Variants in KDM4B observed in about 807,000 individuals in gnomAD.
KDM4B encodes the protein lysine-specific demethylase 4B.
KDM4B carries 32 observed loss-of-function variants against 125.2 expected under a neutral mutation model. The ratio of observed to expected loss-of-function variants is 0.26; its 90% CI spans 0.19 to 0.34. KDM4B has a LOEUF of 0.34. Among genes scored for constraint, KDM4B ranks in the 10% least tolerant of loss-of-function variants. KDM4B has a pLI of 1.00. For synonymous variants in KDM4B, 721 were observed against 677.9 expected (o/e 1.06, Z -0.99); for missense variants, 1,190 against 1,577.7 (o/e 0.75, Z 4.16).
intron 17 of KDM4B, 128 bp downstream of exon 17, chr19:5,137,804 A>G (rs1213086797): frequency 1.9e-6 from 2 of 1,076,480 alleles, no homozygotes; most frequent in Non-Finnish European, 2.7e-6. Context: ...TGTGTCATGG[A>G]TGGGGTGGCC....
chr19:5,074,175 T>A (rs1440072210), intron 7 of KDM4B: 3 of 152,008 alleles, frequency 2.0e-5, no homozygotes, highest in African/African-American at 7.3e-5. Flanking sequence ...CCGAGGAGGG[T>A]CAGGAAGGTT....
chr19:5,088,316 C>T (rs904255265), intron 9 of KDM4B, among the ~76,000 whole-genome samples: 6 of 152,210 alleles, frequency 3.9e-5, no homozygotes, highest in Non-Finnish European at 7.3e-5. Flanking sequence ...TGCAAAAACT[C>T]GCTCTGATCA....
intron 1 of KDM4B, among the ~76,000 whole-genome samples, chr19:4,982,836 C>T (rs1016177120): frequency 6.6e-6 from 1 of 152,172 alleles, no homozygotes; most frequent in Non-Finnish European, 1.5e-5. Flanking sequence ...TGGTCTCAAA[C>T]TCCTGACCTC....
chr19:5,053,781 A>G (rs576837239), intron 6 of KDM4B, among the ~76,000 whole-genome samples: 9 of 152,352 alleles, frequency 5.9e-5, no homozygotes, highest in East Asian at 1.9e-4. Flanking sequence ...GCCAGCTGCT[A>G]CGCCTGAGTA....
At chr19:4,987,078 C>T (rs1213578469) in intron 1 of KDM4B, among the ~76,000 whole-genome samples, 1 of 151,996 alleles carries the variant, frequency 6.6e-6, no homozygotes, top group Admixed American at 6.6e-5. Flanking sequence ...CCTGCCTCAG[C>T]CTCCTGAGTA....
chr19:5,084,171 C>T (rs545327264), intron 9 of KDM4B, among the ~76,000 whole-genome samples: 4 of 151,426 alleles, frequency 2.6e-5, no homozygotes, highest in African/African-American at 9.7e-5. Flanking sequence ...CACTTGAACC[C>T]GGGAGGTGGA....
rs2039771874 is a variant in KDM4B, at chr19:5,142,946, T to C, written c.2551-1021T>C. On this transcript the variant is annotated intron_variant, in intron 18 of 22. Transcript: ENST00000159111. This position sits in a 1 kb window ranked among gnomAD's most constrained non-coding sequence, Gnocchi z 5.4. ...GCCCCGGTGCTGGCTCGGGCAGGTGTTGCAGCGGGAGCCTCAAGGGATGAA... is the reference window on the plus strand; with the variant it reads ...GCCCCGGTGCTGGCTCGGGCAGGTGCTGCAGCGGGAGCCTCAAGGGATGAA... Among the ~76,000 whole-genome samples, 1 of 151,904 alleles carries C rather than the reference T, an allele frequency of 6.6e-6. No individual in the cohort carries two copies. The highest frequency in any genetic ancestry group is 1.5e-5 in the Non-Finnish European group (1 of 67,978).
chr19:5,108,486 G>A (rs1002149189), intron 9 of KDM4B, among the ~76,000 whole-genome samples: 6 of 152,120 alleles, frequency 3.9e-5, no homozygotes, highest in Non-Finnish European at 8.8e-5. Context: ...TGGGTAAGGT[G>A]GGGGGAGGCA....
intron 11 of KDM4B, among the ~76,000 whole-genome samples, chr19:5,130,419 C>T (rs1338944879): frequency 2.6e-5 from 4 of 152,194 alleles, no homozygotes; most frequent in Admixed American, 1.3e-4. Context: ...CTGTCCCCTC[C>T]CTGTCACCTG....
At chr19:5,111,395 C>A in intron 10 of KDM4B, 1 of 765,300 alleles carries the variant, frequency 1.3e-6, no homozygotes, top group Non-Finnish European at 2.4e-6. Flanking sequence ...TGCGTATCGC[C>A]GCACAGACCC....
intron 1 of KDM4B, among the ~76,000 whole-genome samples, chr19:5,014,977 A>G (rs2035847235): frequency 6.6e-6 from 1 of 151,164 alleles, no homozygotes; most frequent in Non-Finnish European, 1.5e-5. Context: ...CCTGGGTGAC[A>G]GAGCGAGAGT....
intron 5 of KDM4B, among the ~76,000 whole-genome samples, chr19:5,045,754 A>T (rs773736863): frequency 1.3e-5 from 2 of 152,054 alleles, no homozygotes; most frequent in Admixed American, 6.6e-5. Context: ...ATTTACAGGC[A>T]TGAGCCACCA....
intron 1 of KDM4B, among the ~76,000 whole-genome samples, chr19:5,009,089 A>G (rs2035653658): frequency 6.6e-6 from 1 of 150,850 alleles, no homozygotes; most frequent in Non-Finnish European, 1.5e-5. Flanking sequence ...TAATTTTTGT[A>G]TTTTTAGTAG....
At chr19:5,127,900 AG>A (rs368392923) in intron 11 of KDM4B, among the ~76,000 whole-genome samples, 38 of 152,266 alleles carry the variant, frequency 2.5e-4, no homozygotes, top group African/African-American at 9.1e-4. Flanking sequence ...GGAGGATGCC[AG>A]CCCCTTAGAG....
In KDM4B at chr19:4,971,946, T is replaced by A. The variant is rs1202171759; in HGVS notation, c.-109+2716T>A. Among the ~76,000 whole-genome samples, 1 of 127,202 alleles carries A rather than the reference T, an allele frequency of 7.9e-6. No homozygotes were observed. Among genetic ancestry groups the A allele is most frequent in the Non-Finnish European group, 1.6e-5 (1 of 61,004 alleles). 83.4% of individuals were successfully genotyped at this position (127,202 alleles called of 152,430 possible). A position where few individuals can be genotyped will look rare whatever the true frequency, so the allele number is the denominator to read the frequency against. The stretch of plus-strand genomic sequence containing the variant: ...GAGAGCAGATGAACAGGGTGGGGGC[T>A]CGGGGCGGGGGGAGCTCCGCAGGCC... On this transcript the variant is annotated intron_variant, in intron 1 of 22. Transcript: ENST00000159111. The surrounding 1 kb of genome is among the most constrained non-coding windows in gnomAD (Gnocchi z 4.1).
Position 5,131,563 on chromosome 19 carries a change from A to C in KDM4B, c.1785+18A>C. The C allele has an allele frequency of 7.9e-6, 1 of 126,478 alleles. No homozygotes were observed. 7.8% of individuals were successfully genotyped at this position (126,478 alleles called of 1,614,324 possible). ...AGGGGCAGGTGGGGTGGAGCGGGGG[A>C]GGCAGGGAGGAGGGGGGCAGGTGGG... is the stretch of plus-strand genomic sequence containing the variant. On this transcript the variant is annotated intron_variant, in intron 12 of 22. Coordinates refer to ENST00000159111, the MANE Select transcript of KDM4B (RefSeq NM_015015.3).
At chr19:5,107,132 C>T (rs2039050035) in intron 9 of KDM4B, among the ~76,000 whole-genome samples, 1 of 152,234 alleles carries the variant, frequency 6.6e-6, no homozygotes. Flanking sequence ...CCTGCGTTGG[C>T]CAGATGCGCC....
chr19:5,017,330 C>T (rs1189257063), intron 2 of KDM4B, among the ~76,000 whole-genome samples: 1 of 152,176 alleles, frequency 6.6e-6, no homozygotes, highest in Non-Finnish European at 1.5e-5. Flanking sequence ...AATCTGACCC[C>T]CTGTTTTTAT....
chr19:5,021,380 G>A (rs7253212), intron 2 of KDM4B, among the ~76,000 whole-genome samples: 46,466 of 151,972 alleles, frequency 0.31, 7,314 homozygotes, highest in Non-Finnish European at 0.34. Context: ...GATTGCTTGA[G>A]GCCAGAAGTT....
Sources: allele counts gnomAD v4.1 joint callset (sites outside exome capture counted in the v4.1 genomes callset), GRCh38; gene constraint gnomAD v4.1.1; non-coding constraint Gnocchi (gnomAD v3.1); transcripts MANE v1.5; gene names NCBI Gene and HGNC (gene_info 2026-07-23, HGNC 2026-07-21).